NUP214: variants seen among roughly 807,000 people sequenced by gnomAD.
NUP214 encodes nucleoporin 214, also known as nuclear pore complex protein Nup214.
A neutral mutation model predicts 196.2 loss-of-function variants in NUP214; 79 were observed. The observed-to-expected ratio is 0.40, with a 90% CI of 0.34 to 0.49. The LOEUF is 0.49. Ranked by LOEUF, NUP214 falls within the 20% of genes least tolerant of loss-of-function variation. The pLI is 0.58. For missense variants in NUP214, 2,468 were observed against 2,539.0 expected, an observed-to-expected ratio of 0.97 and a Z score of 0.60; for synonymous variants, 1,020 against 990.5, an observed-to-expected ratio of 1.03 and a Z score of -0.56.
chr9:131,166,756 T>G (rs1040743005), intron 21 of NUP214, among the ~76,000 whole-genome samples: 1 of 152,106 alleles, frequency 6.6e-6, no homozygotes, highest in Non-Finnish European at 1.5e-5. Flanking sequence ...GTTTTGCCTT[T>G]GCCTTTTTTT....
chr9:131,200,758 T>G (rs1833918333), intron 29 of NUP214, among the ~76,000 whole-genome samples: 1 of 151,790 alleles, frequency 6.6e-6, no homozygotes, highest in Non-Finnish European at 1.5e-5. Context: ...TTCTCACTCC[T>G]TGTCTGGAGC....
chr9:131,207,574 G>A (rs1454786209), intron 30 of NUP214, among the ~76,000 whole-genome samples: 1 of 152,220 alleles, frequency 6.6e-6, no homozygotes, highest in Non-Finnish European at 1.5e-5. Flanking sequence ...ATCCTCAGAA[G>A]TCACAGAACA....
At chr9:131,140,902 T>C (rs1831891581) in intron 11 of NUP214, among the ~76,000 whole-genome samples, 192 bp downstream of exon 11, 1 of 152,214 alleles carries the variant, frequency 6.6e-6, no homozygotes, top group East Asian at 1.9e-4. Flanking sequence ...TCAAGCTTTA[T>C]TCTGCAGCCA....
rs200758383 is a variant in NUP214 at position 131,193,629 on chromosome 9, C to T, written c.3659+1337C>T. 3.1e-3 allele frequency among the ~76,000 whole-genome samples: 86 copies of T among 28,176 alleles called. 1 individual carries two copies. Among genetic ancestry groups the T allele is most frequent in the East Asian group, 0.025 (21 of 832 alleles). 18.5% of individuals were successfully genotyped at this position (28,176 alleles called of 152,430 possible). Reference sequence around the variant, plus strand: ...GTGAAATGATATTCTTCTTCCTTTTCTTTTTTTTTTTTTTTTTTTTTTTTT... The same window carrying T: ...GTGAAATGATATTCTTCTTCCTTTTTTTTTTTTTTTTTTTTTTTTTTTTTT... On this transcript the variant is annotated intron_variant, in intron 27 of 35. Transcript: ENST00000359428.
At chr9:131,152,148 T>C (rs940715894) in intron 17 of NUP214, among the ~76,000 whole-genome samples, 3 of 152,228 alleles carry the variant, frequency 2.0e-5, no homozygotes, top group Non-Finnish European at 4.4e-5. Context: ...GTCTTCTCAC[T>C]CTGTTGCCCA....
chr9:131,127,835 G>A (rs1406407378), intron 2 of NUP214, 116 bp downstream of exon 2: 3 of 759,256 alleles, frequency 4.0e-6, no homozygotes, highest in South Asian at 3.6e-5. Context: ...CAGTTTGAAG[G>A]TTGACTCCCA....
At chr9:131,177,394 T>TA (rs1487463966) in intron 23 of NUP214, among the ~76,000 whole-genome samples, 1 of 152,220 alleles carries the variant, frequency 6.6e-6, no homozygotes, top group Non-Finnish European at 1.5e-5. Context: ...CAATGATCTG[T>TA]AAAACGTTAA....
Position 131,139,145 on chromosome 9 carries a change from C to G in NUP214, c.1006-136C>G, listed in dbSNP as rs922937319. The G allele has an allele frequency of 3.0e-6, 3 of 1,007,194 alleles. No individual in the cohort carries two copies. The South Asian group carries it at 8.4e-5, about 28-fold the overall frequency. The allele number at this position is 1,007,194 out of a possible 1,614,324, so 62.4% of individuals were successfully genotyped here. ...AGATTTCAGAGCCTCCTAGTCAACA[C>G]CTGAGTCTAAACCAAGTGAGTCATC... On this transcript the variant is annotated intron_variant, in intron 9 of 35. Coordinates refer to ENST00000359428, the MANE Select transcript of NUP214 (RefSeq NM_005085.4).
Position 131,146,456 on chromosome 9 carries a change from A to G in NUP214, c.1945+152A>G, listed in dbSNP as rs1254553345. On this transcript the variant is annotated intron_variant, in intron 13 of 35. Transcript: ENST00000359428. This position sits in a 1 kb window ranked among gnomAD's most constrained non-coding sequence, Gnocchi z 4.6. The stretch of plus-strand genomic sequence containing the variant: ...TAATGATTAATGTGCTGTGATTTTC[A>G]TACTCTGAATTGGGAGATTTGCTCT... The G allele has an allele frequency of 3.9e-6, 3 of 778,932 alleles. No individual in the cohort carries two copies. Among genetic ancestry groups the G allele is most frequent in the Non-Finnish European group, 4.1e-6 (2 of 490,254 alleles). The allele number at this position is 778,932 out of a possible 1,614,324, so 48.3% of individuals were successfully genotyped here.
intron 24 of NUP214, among the ~76,000 whole-genome samples, chr9:131,181,276 G>A (rs1421525308): frequency 2.0e-5 from 3 of 152,166 alleles, no homozygotes; most frequent in Non-Finnish European, 4.4e-5. Context: ...AGAGTAGAGG[G>A]AACAAGAGGA....
intron 11 of NUP214, among the ~76,000 whole-genome samples, chr9:131,143,724 G>C (rs1038395779): frequency 1.3e-5 from 2 of 151,758 alleles, no homozygotes; most frequent in Non-Finnish European, 2.9e-5. Flanking sequence ...CATTTGCTAT[G>C]GATCTTTTTT....
At chr9:131,180,151 A>C (rs1361950882) in intron 24 of NUP214, among the ~76,000 whole-genome samples, 1 of 152,260 alleles carries the variant, frequency 6.6e-6, no homozygotes. Flanking sequence ...TCTTTCTGAC[A>C]AAAAATCTCA....
rs1197121197 is a variant in NUP214, at chr9:131,226,192, C to CTG, written c.5903-1965_5903-1964dup. Among the ~76,000 whole-genome samples the CTG allele has an allele frequency of 9.2e-5, 14 of 152,130 alleles. No individual in the cohort carries two copies. The Middle Eastern group carries it at 0.01, about 111-fold the overall frequency. On this transcript the variant is annotated intron_variant, in intron 32 of 35. Coordinates refer to ENST00000359428, the MANE Select transcript of NUP214 (RefSeq NM_005085.4). ...TTATTGGGAAGATTTAAGAAAACTG[C>CTG]TGTGAAGCACCTGGCATATAGTGGG...
At chr9:131,222,712 G>C (rs10124874) in intron 31 of NUP214, 66 bp from the exon 32 acceptor site, 47,521 of 1,527,844 alleles carry the variant, frequency 0.031, 1,049 homozygotes, top group African/African-American at 0.11. Context: ...GACTTTTTCT[G>C]TGTTCTGAGA....
chr9:131,144,822 G>GT lies in NUP214; in HGVS notation c.1769+69dup, dbSNP rs1312335312. On this transcript the variant is annotated intron_variant, in intron 12 of 35. Transcript: ENST00000359428. ...AAATATTGGATGTTATTTACTAAAA[G>GT]TAGAGTCACTCTGAGAGGAGTTAAC... 4.1e-6 allele frequency: 5 copies of GT among 1,231,640 alleles called. No individual in the cohort carries two copies. In the African/African-American group the frequency reaches 6.0e-5, roughly 15 times the overall value. The allele number at this position is 1,231,640 out of a possible 1,614,324, so 76.3% of individuals were successfully genotyped here.
At chr9:131,212,042 G>T (rs1038888317) in intron 30 of NUP214, among the ~76,000 whole-genome samples, 1 of 152,204 alleles carries the variant, frequency 6.6e-6, no homozygotes, top group Admixed American at 6.5e-5. Flanking sequence ...GAACAGCCCT[G>T]AGAAAGAGAA....
At chr9:131,147,708 G>A in intron 14 of NUP214, 124 bp downstream of exon 14, 2 of 719,394 alleles carry the variant, frequency 2.8e-6, no homozygotes, top group South Asian at 3.6e-5. Flanking sequence ...GGGACTATGT[G>A]ATAGTAAATA....
chr9:131,175,545 T>C lies in NUP214; in HGVS notation c.3243T>C (p.Ser1081=). ...ATKTVKHGAP[S]PSHPISAPQA... Reference sequence around the variant, plus strand: ...AAACCGTGAAACATGGTGCACCTAGTCCTTCCCACCCCATCTCAGCCCCGC... The same window carrying C: ...AAACCGTGAAACATGGTGCACCTAGCCCTTCCCACCCCATCTCAGCCCCGC... The change falls in exon 23 of 36, where the codon AGT becomes AGC. Residue 1081 remains serine, a synonymous_variant. Coordinates refer to ENST00000359428, the MANE Select transcript of NUP214 (RefSeq NM_005085.4). 6.2e-7 allele frequency: 1 copy of C among 1,614,192 alleles called. No individual in the cohort carries two copies. Among genetic ancestry groups the C allele is most frequent in the East Asian group, 2.2e-5 (1 of 44,880 alleles).
At chr9:131,214,425 C>T (rs191766635) in intron 30 of NUP214, among the ~76,000 whole-genome samples, 10 of 152,304 alleles carry the variant, frequency 6.6e-5, no homozygotes, top group Admixed American at 3.9e-4. Context: ...TCCATAGCAC[C>T]GCTCTGCTCT....
Sources: gnomAD v4.1 joint callset for allele counts (sites outside exome capture counted in the v4.1 genomes callset) on GRCh38, gnomAD v4.1.1 for gene constraint, Gnocchi (gnomAD v3.1) non-coding constraint, MANE v1.5 for transcripts, NCBI Gene and HGNC (gene_info 2026-07-23, HGNC 2026-07-21) for gene names.